The following PSD3 variants were observed in gnomAD, a reference collection of about 807,000 sequenced individuals.
The protein encoded by PSD3 is pleckstrin and Sec7 domain containing 3.
In PSD3, 49 loss-of-function variants were observed where a neutral mutation model predicts 105.5. The observed-to-expected ratio is 0.46, with a 90% CI of 0.37 to 0.59. The LOEUF is 0.59. PSD3 is among the 20% of genes least tolerant of loss of function. The pLI is 0.00. For missense variants in PSD3, 1,561 were observed against 1,263.8 expected (o/e 1.24, Z -3.57); for synonymous variants, 557 against 457.8 (o/e 1.22, Z -2.77).
At chr8:18,991,999 T>A (rs879238896) in intron 1 of PSD3, among the ~76,000 whole-genome samples, 1 of 152,192 alleles carries the variant, frequency 6.6e-6, no homozygotes. Flanking sequence ...AACTAATACG[T>A]TTGCCCAAAA....
chr8:18,606,968 G>A (rs560779753), intron 11 of PSD3, among the ~76,000 whole-genome samples: 16 of 152,192 alleles, frequency 1.1e-4, no homozygotes, highest in Admixed American at 8.5e-4. Flanking sequence ...ATGCCCCCAA[G>A]GAAGCTACCC....
intron 8 of PSD3, among the ~76,000 whole-genome samples, chr8:18,773,784 C>T (rs1807773247): frequency 6.6e-6 from 1 of 152,156 alleles, no homozygotes; most frequent in South Asian, 2.1e-4. Context: ...TCTTTACATA[C>T]ATATACAAAG....
intron 9 of PSD3, among the ~76,000 whole-genome samples, chr8:18,752,927 C>T (rs992500108): frequency 1.3e-5 from 2 of 151,580 alleles, no homozygotes; most frequent in Admixed American, 6.6e-5. Context: ...GTAACCTCAT[C>T]GTGACATGAT....
intron 4 of PSD3, among the ~76,000 whole-genome samples, chr8:18,861,234 A>AG (rs1816413242): frequency 6.6e-6 from 1 of 152,160 alleles, no homozygotes; most frequent in South Asian, 2.1e-4. Context: ...CTGCTGGAGA[A>AG]GGGACAACAC....
chr8:18,883,109 C>T (rs1331975446), intron 2 of PSD3, among the ~76,000 whole-genome samples: 1 of 152,154 alleles, frequency 6.6e-6, no homozygotes, highest in African/African-American at 2.4e-5. Flanking sequence ...CATTCCCAAT[C>T]AGAATCCTGT....
At chr8:18,821,872 C>CCA (rs5889830) in intron 4 of PSD3, among the ~76,000 whole-genome samples, 15 of 137,492 alleles carry the variant, frequency 1.1e-4, no homozygotes, top group African/African-American at 3.4e-4. Context: ...TGCACACACA[C>CCA]CACACACACA....
At chr8:18,752,688 TATATG>T (rs1379554807) in intron 9 of PSD3, among the ~76,000 whole-genome samples, 26 of 120,874 alleles carry the variant, frequency 2.2e-4, no homozygotes, top group African/African-American at 6.0e-4. Context: ...TATATAATCA[TATATG>T]ATATAATATA....
intron 8 of PSD3, chr8:18,774,912 T>A: frequency 2.2e-6 from 1 of 456,238 alleles, no homozygotes; most frequent in East Asian, 7.0e-5. Context: ...GCCTTAATCT[T>A]GGCTACGGCT....
In PSD3 at chr8:18,990,120, T is replaced by C. The variant is rs1454196730; in HGVS notation, c.21+23443A>G. 2.6e-5 allele frequency among the ~76,000 whole-genome samples: 4 copies of C among 152,340 alleles called. No individual in the cohort carries two copies. The East Asian group carries it at 7.7e-4, about 29-fold the overall frequency. On this transcript the variant is annotated intron_variant, in intron 1 of 15. Transcript: ENST00000327040. ...TCCCTGTCCAAGAAATCTTCATCTC[T>C]CACCTACAAAAGCTCACTGATTAAT...
intron 4 of PSD3, among the ~76,000 whole-genome samples, chr8:18,850,768 C>T (rs746863992): frequency 3.3e-5 from 5 of 152,266 alleles, no homozygotes; most frequent in East Asian, 1.9e-4. Flanking sequence ...TGAGAGGACG[C>T]GACTCTTCCC....
At chr8:18,605,602 T>C (rs1804768199) in intron 11 of PSD3, among the ~76,000 whole-genome samples, 1 of 152,146 alleles carries the variant, frequency 6.6e-6, no homozygotes, top group Admixed American at 6.5e-5. Context: ...TTTTGCCATG[T>C]GAGAAGGACA....
chr8:19,029,014 C>T (rs1163476490), intron 1 of PSD3, among the ~76,000 whole-genome samples: 2 of 152,156 alleles, frequency 1.3e-5, no homozygotes, highest in Non-Finnish European at 2.9e-5. Flanking sequence ...TCTTCCATTT[C>T]ATTGATCTAT....
chr8:18,838,194 A>C (rs1276545145), intron 4 of PSD3, among the ~76,000 whole-genome samples: 1 of 152,204 alleles, frequency 6.6e-6, no homozygotes, highest in Non-Finnish European at 1.5e-5. Flanking sequence ...TTAATTTCTA[A>C]AACAATATTC....
At chr8:18,864,955 C>T (rs1816711881) in intron 4 of PSD3, 1 of 151,540 alleles carries the variant, frequency 6.6e-6, no homozygotes, top group Non-Finnish European at 1.5e-5. Context: ...TGAATGCATA[C>T]ACCACCACCG....
At chr8:19,043,290 G>A (rs1163766887) in intron 1 of PSD3, among the ~76,000 whole-genome samples, 1 of 152,172 alleles carries the variant, frequency 6.6e-6, no homozygotes, top group Admixed American at 6.5e-5. Flanking sequence ...TTTAGTGGTA[G>A]TTCAAGGTCA....
At chr8:18,803,775 G>A (rs544224535) in intron 6 of PSD3, among the ~76,000 whole-genome samples, 6 of 150,818 alleles carry the variant, frequency 4.0e-5, no homozygotes, top group Non-Finnish European at 8.8e-5. Context: ...CTGGGGGAAA[G>A]GAGGGGAAGG....
At chr8:18,815,206 C>T (rs1812110921) in intron 4 of PSD3, among the ~76,000 whole-genome samples, 1 of 152,204 alleles carries the variant, frequency 6.6e-6, no homozygotes, top group South Asian at 2.1e-4. Context: ...CTTCCATCTT[C>T]TGGGATACAA....
chr8:18,611,586 T>C (rs955531623), intron 11 of PSD3, among the ~76,000 whole-genome samples: 3 of 141,464 alleles, frequency 2.1e-5, no homozygotes, highest in Admixed American at 1.4e-4. Flanking sequence ...ATGCAATCCT[T>C]TGGATTTTTT....
intron 1 of PSD3, among the ~76,000 whole-genome samples, chr8:19,056,770 A>C (rs1828722177): frequency 6.6e-6 from 1 of 152,222 alleles, no homozygotes; most frequent in Non-Finnish European, 1.5e-5. Flanking sequence ...CCTTAGTGGC[A>C]GGAATTCAAA....
Sources: gnomAD v4.1 joint callset for allele counts (sites outside exome capture counted in the v4.1 genomes callset) on GRCh38, gnomAD v4.1.1 for gene constraint, MANE v1.5 for transcripts, NCBI Gene and HGNC (gene_info 2026-07-23, HGNC 2026-07-21) for gene names.